ATP5F1A: variants seen among roughly 807,000 people sequenced by gnomAD.
The protein encoded by ATP5F1A is ATP synthase F(1) complex subunit alpha, mitochondrial.
In ATP5F1A, 24 loss-of-function variants were observed where a neutral mutation model predicts 57.4. The ratio of observed to expected loss-of-function variants is 0.42; its 90% confidence interval spans 0.30 to 0.59. The LOEUF (loss-of-function observed/expected upper bound fraction) is 0.59. Ranked by LOEUF, ATP5F1A falls within the 20% of genes least tolerant of loss-of-function variation. ATP5F1A has a pLI of 0.19. For synonymous variants in ATP5F1A, 251 were observed against 255.5 expected (o/e 0.98, Z 0.17); for missense variants, 494 against 707.9 (o/e 0.70, Z 3.43).
intron 10 of ATP5F1A, 129 bp downstream of exon 10, chr18:46,085,984 G>C: frequency 1.0e-6 from 1 of 983,670 alleles, no homozygotes; most frequent in Non-Finnish European, 1.4e-6. Context: ...TTAAGTAAAA[G>C]TGCCTTTGAT....
chr18:46,103,610 C>CAAAAAAAA (rs71160711), intron 1 of ATP5F1A, among the ~76,000 whole-genome samples: 1 of 34,506 alleles, frequency 2.9e-5, no homozygotes, highest in Non-Finnish European at 4.9e-5. Context: ...GACTCCATCT[C>CAAAAAAAA]AAAAAAAAAA....
intron 1 of ATP5F1A, chr18:46,097,882 C>T: frequency 4.1e-6 from 5 of 1,215,474 alleles, no homozygotes; most frequent in Non-Finnish European, 4.1e-6. Context: ...CCCTGACCTT[C>T]ACCCAAGATC....
At position 46,081,497 on chromosome 18, in the gene ATP5F1A, T is replaced by G. The variant is rs1909734218; in HGVS notation, c.*2785A>C. 6.6e-6 allele frequency: 1 copy of G among 150,392 alleles called. No individual in the cohort carries two copies. Among genetic ancestry groups the G allele is most frequent in the African/African-American group, 2.4e-5 (1 of 40,932 alleles). 9.3% of individuals were successfully genotyped at this position (150,392 alleles called of 1,614,324 possible). On this transcript the variant is annotated 3_prime_UTR_variant, in exon 12 of 12. Transcript: ENST00000398752. ...CTGACCAACATGGAGAAACCCCATCTCTACTAAAAATACAAAATTAGCCAG... is the reference window on the plus strand; with the variant it reads ...CTGACCAACATGGAGAAACCCCATCGCTACTAAAAATACAAAATTAGCCAG...
At chr18:46,104,224 C>A in exon 1 of ATP5F1A, 1 of 428,562 alleles carries the variant, frequency 2.3e-6, no homozygotes. Context: ...GCGAGGCTTG[C>A]AATGCCAGAG....
chr18:46,095,254 C>T, intron 1 of ATP5F1A, 123 bp from the exon 2 acceptor site: 11 of 875,988 alleles, frequency 1.3e-5, no homozygotes, highest in Non-Finnish European at 1.9e-5. Flanking sequence ...ACATATAAAG[C>T]ATTTTGTTTA....
At chr18:46,091,307 CA>C (rs1469658515) in intron 3 of ATP5F1A, among the ~76,000 whole-genome samples, 1 of 152,202 alleles carries the variant, frequency 6.6e-6, no homozygotes, top group African/African-American at 2.4e-5. Context: ...ACTAGAAATA[CA>C]AAGTCACGGA....
Position 46,098,067 on chromosome 18 carries a change from A to C in ATP5F1A, c.60+105T>G, listed in dbSNP as rs1379534316. On this transcript the variant is annotated intron_variant, in intron 1 of 11. Transcript: ENST00000398752. ...GAAGCCACGGGTGCAAGATGGCGGC[A>C]TTCGCCACAGCCCCTCGCCCTCCTG... The C allele has an allele frequency of 2.8e-6, 4 of 1,444,990 alleles. No individual in the cohort carries two copies. In the East Asian group the frequency reaches 1.0e-4, roughly 37 times the overall value. The allele number at this position is 1,444,990 out of a possible 1,614,324, so 89.5% of individuals were successfully genotyped here. A position where few individuals can be genotyped will look rare whatever the true frequency, so the allele number is the denominator to read the frequency against.
At chr18:46,097,004 A>C (rs1057139742) in intron 1 of ATP5F1A, among the ~76,000 whole-genome samples, 1 of 148,902 alleles carries the variant, frequency 6.7e-6, no homozygotes, top group African/African-American at 2.4e-5. Context: ...AAAAAAAAAA[A>C]AACAAGCAAA....
At chr18:46,085,766 C>T in intron 10 of ATP5F1A, 1 of 204,464 alleles carries the variant, frequency 4.9e-6, no homozygotes, top group Non-Finnish European at 1.0e-5. Flanking sequence ...AACCCTGTCT[C>T]TACTAAAAAT....
intron 5 of ATP5F1A, chr18:46,088,713 C>A: frequency 6.5e-6 from 1 of 153,862 alleles, no homozygotes; most frequent in Non-Finnish European, 1.4e-5. Flanking sequence ...ACCTGACCAT[C>A]CCCCAGCCCG....
chr18:46,098,312 A>G, upstream of ATP5F1A: 1 of 1,489,966 alleles, frequency 6.7e-7, no homozygotes, highest in Non-Finnish European at 9.0e-7. Context: ...GCCGCAAAGA[A>G]GGTCAAGACA....
At chr18:46,085,856 C>A in intron 10 of ATP5F1A, 1 of 422,086 alleles carries the variant, frequency 2.4e-6, no homozygotes, top group Non-Finnish European at 4.2e-6. Context: ...TCGCGTGAAT[C>A]CAGGAGGTGG....
chr18:46,085,345 T>C (rs1274736726), intron 10 of ATP5F1A: 2 of 142,782 alleles, frequency 1.4e-5, no homozygotes, highest in South Asian at 2.2e-4. Flanking sequence ...AAAAGAAAGA[T>C]AGTTTGAGGC....
chr18:46,101,716 G>C (rs1203336713), upstream of ATP5F1A, among the ~76,000 whole-genome samples: 1 of 151,500 alleles, frequency 6.6e-6, no homozygotes. Context: ...CCAACATATC[G>C]AGATCCCTGC....
chr18:46,101,565 G>A (rs574165993), upstream of ATP5F1A, among the ~76,000 whole-genome samples: 1 of 151,082 alleles, frequency 6.6e-6, no homozygotes, highest in Admixed American at 6.6e-5. Flanking sequence ...CAGTATGCGC[G>A]ACAGGAGTGA....
rs1219955373 is a variant in ATP5F1A at position 46,082,470 on chromosome 18, G to A, written c.*1812C>T. 6.6e-6 allele frequency: 1 copy of A among 151,146 alleles called. No homozygotes were observed. Among genetic ancestry groups the A allele is most frequent in the East Asian group, 2.0e-4 (1 of 5,122 alleles). 9.4% of individuals were successfully genotyped at this position (151,146 alleles called of 1,614,324 possible). On this transcript the variant is annotated 3_prime_UTR_variant, in exon 12 of 12. Coordinates refer to ENST00000398752, the MANE Select transcript of ATP5F1A (RefSeq NM_004046.6). ...GGAGGCCAAGGCAGGCAGATCACAA[G>A]GTCAGGAGTTCGAGACCAGCCTGGC... is the stretch of plus-strand genomic sequence containing the variant.
chr18:46,088,311 G>A lies in ATP5F1A; in HGVS notation c.651-54C>T, dbSNP rs1021997278. On this transcript the variant is annotated intron_variant, in intron 5 of 11. Coordinates refer to ENST00000398752, the MANE Select transcript of ATP5F1A (RefSeq NM_004046.6). ...TTCCTAAACTTAAAAGGACTTCCCT[G>A]TGGGGGAAAGAAAGAGAGATCAGAC... 3 of 1,451,002 alleles carry A rather than the reference G, an allele frequency of 2.1e-6. No individual in the cohort carries two copies. The African/African-American group carries it at 4.3e-5, about 21-fold the overall frequency. 89.9% of individuals were successfully genotyped at this position (1,451,002 alleles called of 1,614,324 possible).
rs143472805 is a variant in ATP5F1A, at chr18:46,090,088, G to T, written c.310-92C>A. On this transcript the variant is annotated intron_variant, in intron 3 of 11. Coordinates refer to ENST00000398752, the MANE Select transcript of ATP5F1A (RefSeq NM_004046.6). ...ACATAAGAAAATAGTCGGGGGGTGGGGGGGGAAGCAGTATTGTCCTTTTCA... is the reference window on the plus strand; with the variant it reads ...ACATAAGAAAATAGTCGGGGGGTGGTGGGGGAAGCAGTATTGTCCTTTTCA... 8 of 837,140 alleles carry T rather than the reference G, an allele frequency of 9.6e-6. 1 individual carries two copies. The East Asian group carries it at 9.7e-5, about 10-fold the overall frequency. The allele number at this position is 837,140 out of a possible 1,614,324, so 51.9% of individuals were successfully genotyped here.
At chr18:46,098,598 A>G (rs1026846713), upstream of ATP5F1A, among the ~76,000 whole-genome samples, 1 of 152,060 alleles carries the variant, frequency 6.6e-6, no homozygotes, top group African/African-American at 2.4e-5. Flanking sequence ...ATCTGGTGCT[A>G]GAGGATGAGG....
Sources: allele counts gnomAD v4.1 joint callset (sites outside exome capture counted in the v4.1 genomes callset), GRCh38; gene constraint gnomAD v4.1.1; transcripts MANE v1.5; gene names NCBI Gene and HGNC (gene_info 2026-07-23, HGNC 2026-07-21).